ALDH7A1: variants seen among roughly 807,000 people sequenced by gnomAD.
The protein encoded by ALDH7A1 is aldehyde dehydrogenase 7 family member A1, also known as alpha-aminoadipic semialdehyde dehydrogenase.
ALDH7A1 carries 63 observed loss-of-function variants against 79.9 expected under a neutral mutation model. The ratio of observed to expected loss-of-function variants is 0.79; its 90% CI spans 0.64 to 0.97. The LOEUF is 0.97. Among genes scored for constraint, ALDH7A1 ranks in the 50% least tolerant of loss-of-function variants. The probability of loss-of-function intolerance (pLI) is 0.00; values close to 1 mark genes in which losing one functional copy is unlikely to be tolerated. For missense variants in ALDH7A1, 627 were observed against 665.2 expected, an observed-to-expected ratio of 0.94 and a Z score of 0.63; for synonymous variants, 240 against 231.2, an observed-to-expected ratio of 1.04 and a Z score of -0.34.
rs1749717318 is a variant in ALDH7A1 at position 126,544,492 on chromosome 5, A to C, written c.*473T>G. ...GTGGTCCAAGCATACAGGGGAATGCATCCCCCTTTCAATCACACGACATCC... is the reference window on the plus strand; with the variant it reads ...GTGGTCCAAGCATACAGGGGAATGCCTCCCCCTTTCAATCACACGACATCC... On this transcript the variant is annotated 3_prime_UTR_variant, in exon 18 of 18. Transcript: ENST00000409134. 1 of 199,922 alleles carries C rather than the reference A, an allele frequency of 5.0e-6. No homozygotes were observed. Among genetic ancestry groups the C allele is most frequent in the Non-Finnish European group, 1.0e-5 (1 of 97,372 alleles). 12.4% of individuals were successfully genotyped at this position (199,922 alleles called of 1,614,324 possible). A position where few individuals can be genotyped will look rare whatever the true frequency, so the allele number is the denominator to read the frequency against.
chr5:126,562,171 G>A (rs964336526), intron 9 of ALDH7A1: 3 of 151,678 alleles, frequency 2.0e-5, no homozygotes, highest in African/African-American at 7.3e-5. Flanking sequence ...TAACAATACA[G>A]TGAAATATCA....
intron 4 of ALDH7A1, among the ~76,000 whole-genome samples, chr5:126,583,470 A>G (rs1300581902): frequency 2.0e-5 from 3 of 151,184 alleles, no homozygotes; most frequent in Non-Finnish European, 4.4e-5. Flanking sequence ...AATAAGAGCA[A>G]GACTCCATCT....
At position 126,543,900 on chromosome 5, in the gene ALDH7A1, G is replaced by A. The variant is rs938529922; in HGVS notation, c.*1065C>T. 1.3e-5 allele frequency: 2 copies of A among 151,852 alleles called. No individual in the cohort carries two copies. Among genetic ancestry groups the A allele is most frequent in the Admixed American group, 6.6e-5 (1 of 15,236 alleles). The allele number at this position is 151,852 out of a possible 1,614,324, so 9.4% of individuals were successfully genotyped here. On this transcript the variant is annotated 3_prime_UTR_variant, in exon 18 of 18. Coordinates refer to ENST00000409134, the MANE Select transcript of ALDH7A1 (RefSeq NM_001182.5). ...ACTGAGGATTGAGAACAGATCCAAGGGCAACCGCAGACGCCTAAAGCTAAA... is the reference window on the plus strand; with the variant it reads ...ACTGAGGATTGAGAACAGATCCAAGAGCAACCGCAGACGCCTAAAGCTAAA...
intron 5 of ALDH7A1, among the ~76,000 whole-genome samples, chr5:126,578,638 C>CAAAA (rs70994880): frequency 0.049 from 4,459 of 90,090 alleles, 124 homozygotes; most frequent in African/African-American, 0.091. Flanking sequence ...GACCCTGTAT[C>CAAAA]AAAAAAAAAA....
intron 10 of ALDH7A1, among the ~76,000 whole-genome samples, chr5:126,560,560 T>A (rs184659859): frequency 2.5e-4 from 38 of 152,308 alleles, no homozygotes; most frequent in Non-Finnish European, 4.4e-5. Context: ...TACAAATATC[T>A]AAGCATTTTT....
intron 7 of ALDH7A1, 200 bp from the exon 8 acceptor site, chr5:126,571,059 T>C (rs1041810888): frequency 3.5e-6 from 2 of 568,468 alleles, no homozygotes; most frequent in South Asian, 1.9e-5. Flanking sequence ...AGAACCCTCT[T>C]ATACCAGACT....
chr5:126,563,824 A>T (rs1581373964), intron 9 of ALDH7A1, among the ~76,000 whole-genome samples: 1 of 151,330 alleles, frequency 6.6e-6, no homozygotes, highest in East Asian at 1.9e-4. Flanking sequence ...TTTTTTCAAG[A>T]GTCACCCAGG....
intron 12 of ALDH7A1, among the ~76,000 whole-genome samples, chr5:126,555,619 CAGTT>C (rs1750164960): frequency 6.6e-6 from 1 of 151,912 alleles, no homozygotes; most frequent in Middle Eastern, 3.2e-3. Flanking sequence ...GCAGAAAGGT[CAGTT>C]AGGGGATTCT....
At chr5:126,547,662 CATA>C (rs1314193108) in intron 16 of ALDH7A1, among the ~76,000 whole-genome samples, 8 of 152,214 alleles carry the variant, frequency 5.3e-5, no homozygotes, top group Non-Finnish European at 1.0e-4. Context: ...AGGGTCAATA[CATA>C]ATGTCTAAAG....
chr5:126,581,710 T>A, intron 5 of ALDH7A1: 1 of 161,174 alleles, frequency 6.2e-6, no homozygotes, highest in Non-Finnish European at 1.3e-5. Context: ...CCGGGCACAG[T>A]GGCTCACGCC....
intron 11 of ALDH7A1, among the ~76,000 whole-genome samples, chr5:126,557,143 C>T (rs921962420): frequency 6.6e-5 from 10 of 152,058 alleles, no homozygotes; most frequent in Admixed American, 2.0e-4. Flanking sequence ...TTAGCTTTAA[C>T]GTAATCTTTA....
At chr5:126,559,421 GT>G in intron 10 of ALDH7A1, 87 bp from the exon 11 acceptor site, 3 of 658,020 alleles carry the variant, frequency 4.6e-6, no homozygotes, top group South Asian at 3.5e-5. Flanking sequence ...GTTGTTTTTT[GT>G]TTTTGGTTTT....
At chr5:126,558,172 A>C (rs1750271513) in intron 11 of ALDH7A1, among the ~76,000 whole-genome samples, 1 of 108,020 alleles carries the variant, frequency 9.3e-6, no homozygotes, top group African/African-American at 3.2e-5. Context: ...AACTCAAAAA[A>C]AAAAAAAAAA....
intron 13 of ALDH7A1, 41 bp from the exon 14 acceptor site, chr5:126,552,178 G>T: frequency 6.5e-7 from 1 of 1,536,986 alleles, no homozygotes. Flanking sequence ...AAAGCATTTT[G>T]TTTTCTAGGA....
chr5:126,546,255 T>C, intron 17 of ALDH7A1, 69 bp downstream of exon 17: 2 of 1,360,234 alleles, frequency 1.5e-6, no homozygotes, highest in Non-Finnish European at 2.1e-6. Context: ...GCACAGACAG[T>C]AGGAAAGTGT....
At chr5:126,577,714 G>A (rs1386347693) in intron 5 of ALDH7A1, among the ~76,000 whole-genome samples, 2 of 152,026 alleles carry the variant, frequency 1.3e-5, no homozygotes, top group East Asian at 2.0e-4. Context: ...TTACAGGCAC[G>A]CACCACCATG....
intron 11 of ALDH7A1, among the ~76,000 whole-genome samples, chr5:126,557,773 C>T (rs1750250226): frequency 6.6e-6 from 1 of 151,840 alleles, no homozygotes; most frequent in African/African-American, 2.4e-5. Flanking sequence ...TTTTTCATTA[C>T]AAAAGGAAAA....
intron 16 of ALDH7A1, 32 bp from the exon 17 acceptor site, chr5:126,546,431 TG>T: frequency 6.2e-7 from 1 of 1,605,144 alleles, no homozygotes; most frequent in Non-Finnish European, 8.5e-7. Flanking sequence ...TCATATCTTC[TG>T]AGCAGTTTCC....
chr5:126,577,198 T>C lies in ALDH7A1; in HGVS notation c.531A>G (p.Ala177=), dbSNP rs1418827153. The change falls in exon 6 of 18, where the codon GCA becomes GCG. Residue 177 remains alanine (A), a synonymous_variant. Coordinates refer to ENST00000409134, the MANE Select transcript of ALDH7A1 (RefSeq NM_001182.5). ...PILPSERSGH[A]LIEQWNPVGL... Reference sequence around the variant, plus strand: ...CTACGGGATTCCACTGCTCAATCAGTGCATGGCCAGATCCTGAGGACAGAA... The same window carrying C: ...CTACGGGATTCCACTGCTCAATCAGCGCATGGCCAGATCCTGAGGACAGAA... The C allele has an allele frequency of 6.2e-7, 1 of 1,614,000 alleles. No homozygotes were observed. The highest frequency in any genetic ancestry group is 1.3e-5 in the African/African-American group (1 of 74,888).
Sources: gnomAD v4.1 joint callset for allele counts (sites outside exome capture counted in the v4.1 genomes callset) on GRCh38, gnomAD v4.1.1 for gene constraint, MANE v1.5 for transcripts, NCBI Gene and HGNC (gene_info 2026-07-23, HGNC 2026-07-21) for gene names.